RGS6: variants seen among roughly 807,000 people sequenced by gnomAD.
RGS6 encodes regulator of G-protein signaling 6.
RGS6 carries 30 observed loss-of-function variants against 78.5 expected under a neutral mutation model. The ratio of observed to expected loss-of-function variants is 0.38; its 90% confidence interval spans 0.29 to 0.52. The LOEUF (loss-of-function observed/expected upper bound fraction) is 0.52, where lower values mean the gene tolerates loss of function less well. Ranked by LOEUF, RGS6 falls within the 20% of genes least tolerant of loss-of-function variation. The probability of loss-of-function intolerance (pLI) is 0.85; values close to 1 mark genes in which losing one functional copy is unlikely to be tolerated. For missense variants in RGS6, 495 were observed against 609.7 expected (o/e 0.81, Z 1.98); for synonymous variants, 206 against 206.0 (o/e 1.00, Z 0.00).
At chr14:71,913,491 T>C in the RGS6 span, among the ~76,000 whole-genome samples, 27 of 152,340 alleles carry the variant, frequency 1.8e-4, no homozygotes, top group Admixed American at 1.8e-3. Context: ...GGGATTTGGC[T>C]AAGGGAACTG....
At chr14:72,203,086 AG>A (rs2041937074) in intron 2 of RGS6, among the ~76,000 whole-genome samples, 1 of 152,082 alleles carries the variant, frequency 6.6e-6, no homozygotes, top group Non-Finnish European at 1.5e-5. Context: ...CGTGTTAGCC[AG>A]GATGGTCTCG....
intron 2 of RGS6, among the ~76,000 whole-genome samples, chr14:72,333,680 T>C (rs1378757329): frequency 6.6e-6 from 1 of 152,194 alleles, no homozygotes; most frequent in East Asian, 1.9e-4. Flanking sequence ...TGGGCCCCAC[T>C]ACAGCACCCA....
chr14:71,978,906 G>T, intron 2 of RGS6, among the ~76,000 whole-genome samples: 1 of 144,162 alleles, frequency 6.9e-6, no homozygotes, highest in African/African-American at 2.5e-5. Context: ...ACTCTTTTTG[G>T]TTGGTAAGCT....
At chr14:72,180,904 T>C (rs1008785361) in intron 2 of RGS6, among the ~76,000 whole-genome samples, 1 of 152,230 alleles carries the variant, frequency 6.6e-6, no homozygotes, top group Non-Finnish European at 1.5e-5. Context: ...GCTCTTGGAC[T>C]TCCCAGCCTC....
intron 2 of RGS6, among the ~76,000 whole-genome samples, chr14:72,040,744 T>C (rs925501313): frequency 1.3e-5 from 2 of 152,164 alleles, no homozygotes; most frequent in African/African-American, 4.8e-5. Flanking sequence ...ATTGATCTGC[T>C]CAATGGTGTT....
chr14:72,386,435 G>A (rs2088055181), intron 3 of RGS6, among the ~76,000 whole-genome samples: 1 of 152,182 alleles, frequency 6.6e-6, no homozygotes, highest in Non-Finnish European at 1.5e-5. Context: ...TTACTCAGGA[G>A]GCTGAGGCAG....
chr14:72,417,895 C>T lies in RGS6; in HGVS notation c.185-36633C>T, dbSNP rs534195972. ...CCACATAATTTCACATCCTTTTATA[C>T]CCAAGTTTTTGATCAAGAGAGCTCA... On this transcript the variant is annotated intron_variant, in intron 3 of 17. Transcript: ENST00000553525. Among the ~76,000 whole-genome samples, 25 of 152,274 alleles carry T rather than the reference C, an allele frequency of 1.6e-4. 1 individual carries two copies. Among genetic ancestry groups the T allele is most frequent in the Middle Eastern group, 3.4e-3 (1 of 294 alleles).
At chr14:72,115,696 C>T (rs1053436415) in intron 2 of RGS6, among the ~76,000 whole-genome samples, 2 of 152,208 alleles carry the variant, frequency 1.3e-5, no homozygotes, top group Non-Finnish European at 1.5e-5. Flanking sequence ...AAGACTATAG[C>T]TACTGCTTCA....
At chr14:72,474,300 T>C (rs1206786115) in intron 9 of RGS6, among the ~76,000 whole-genome samples, 1 of 152,246 alleles carries the variant, frequency 6.6e-6, no homozygotes, top group Non-Finnish European at 1.5e-5. Context: ...CATCCTGATA[T>C]CGTGGAGTCT....
At chr14:72,173,078 C>T (rs1466223640) in intron 2 of RGS6, among the ~76,000 whole-genome samples, 1 of 152,132 alleles carries the variant, frequency 6.6e-6, no homozygotes, top group Non-Finnish European at 1.5e-5. Flanking sequence ...GGAAAATACC[C>T]TCTTAGATTT....
intron 12 of RGS6, among the ~76,000 whole-genome samples, chr14:72,491,479 C>T (rs2096577645): frequency 6.6e-6 from 1 of 152,132 alleles, no homozygotes; most frequent in Non-Finnish European, 1.5e-5. Context: ...ACTAAAGGAA[C>T]AAAAATGGCA....
intron 2 of RGS6, among the ~76,000 whole-genome samples, chr14:72,221,120 G>T (rs559567392): frequency 6.6e-6 from 1 of 152,124 alleles, no homozygotes; most frequent in Non-Finnish European, 1.5e-5. Flanking sequence ...TCAGATCCCA[G>T]TGTGTCCCAG....
At chr14:72,587,830 C>A in the RGS6 span, among the ~76,000 whole-genome samples, 1 of 152,132 alleles carries the variant, frequency 6.6e-6, no homozygotes, top group Non-Finnish European at 1.5e-5. Flanking sequence ...GCTTGGCCAC[C>A]CTGAGGCCCT....
chr14:72,065,048 C>G (rs985807298), intron 2 of RGS6, among the ~76,000 whole-genome samples: 3 of 152,050 alleles, frequency 2.0e-5, no homozygotes, highest in Middle Eastern at 3.2e-3. Flanking sequence ...GCGGTGTTTT[C>G]ACATACATTG....
chr14:72,086,298 A>G (rs1049727134), intron 2 of RGS6, among the ~76,000 whole-genome samples: 7 of 151,982 alleles, frequency 4.6e-5, no homozygotes, highest in Admixed American at 2.0e-4. Context: ...GTCTAAAGGC[A>G]TTAGAGTTTT....
the RGS6 span, among the ~76,000 whole-genome samples, chr14:72,599,403 T>TGA: frequency 1.0e-5 from 1 of 96,630 alleles, no homozygotes; most frequent in South Asian, 4.1e-4. Context: ...CTTTTTTTTT[T>TGA]TTTTTTTTTT....
chr14:71,928,365 A>G (rs2087749051), upstream of RGS6, among the ~76,000 whole-genome samples: 1 of 152,240 alleles, frequency 6.6e-6, no homozygotes, highest in South Asian at 2.1e-4. Context: ...TAGCTCTCAG[A>G]AAAAGACTAC....
At chr14:72,135,947 G>T (rs1257495536) in intron 2 of RGS6, among the ~76,000 whole-genome samples, 1 of 152,118 alleles carries the variant, frequency 6.6e-6, no homozygotes, top group Non-Finnish European at 1.5e-5. Context: ...GAACATTTTT[G>T]CATGATCTCA....
Position 72,102,532 on chromosome 14 carries a change from G to A in RGS6, c.84+137657G>A, listed in dbSNP as rs1043146106. On this transcript the variant is annotated intron_variant, in intron 2 of 17. Coordinates refer to ENST00000553525, the MANE Select transcript of RGS6 (RefSeq NM_001204424.2). The stretch of plus-strand genomic sequence containing the variant: ...TTAATCACAGAACTTTACAAGATAC[G>A]TATTATCTCTATTTTATGGATTAGA... 7.9e-5 allele frequency among the ~76,000 whole-genome samples: 12 copies of A among 152,186 alleles called. No homozygotes were observed. In the South Asian group the frequency reaches 1.9e-3, roughly 24 times the overall value.
Sources: gnomAD v4.1 joint callset for allele counts (sites outside exome capture counted in the v4.1 genomes callset) on GRCh38, gnomAD v4.1.1 for gene constraint, MANE v1.5 for transcripts, NCBI Gene and HGNC (gene_info 2026-07-23, HGNC 2026-07-21) for gene names.